Variants in CTTNBP2 observed in about 807,000 individuals in gnomAD.
The protein encoded by CTTNBP2 is cortactin binding protein 2.
Under a neutral mutation model 156.9 loss-of-function variants are expected in CTTNBP2, and 108 were observed. The observed-to-expected ratio is 0.69, with a 90% CI of 0.59 to 0.81. The LOEUF is 0.81. Among genes scored for constraint, CTTNBP2 ranks in the 30% least tolerant of loss-of-function variants. The pLI, the probability that CTTNBP2 is intolerant of heterozygous loss-of-function variation, is 0.00. For missense variants in CTTNBP2, 1,924 were observed against 2,035.4 expected, an observed-to-expected ratio of 0.95 and a Z score of 1.05; for synonymous variants, 767 against 751.8, an observed-to-expected ratio of 1.02 and a Z score of -0.33.
chr7:117,758,384 C>T (rs1321217942), intron 10 of CTTNBP2, among the ~76,000 whole-genome samples: 2 of 151,814 alleles, frequency 1.3e-5, no homozygotes, highest in Non-Finnish European at 2.9e-5. Context: ...GTCCCTGAGC[C>T]TCTTTCCAGC....
At chr7:117,861,580 T>C (rs1803757320) in intron 1 of CTTNBP2, among the ~76,000 whole-genome samples, 1 of 151,980 alleles carries the variant, frequency 6.6e-6, no homozygotes, top group South Asian at 2.1e-4. Context: ...CTCTCCAAAT[T>C]ACATAGCACA....
intron 2 of CTTNBP2, among the ~76,000 whole-genome samples, chr7:117,848,848 C>G (rs559157199): frequency 6.6e-6 from 1 of 152,324 alleles, no homozygotes; most frequent in East Asian, 1.9e-4. Context: ...CTGTAAACCA[C>G]TTCAATTCCT....
intron 21 of CTTNBP2, among the ~76,000 whole-genome samples, chr7:117,719,082 C>G (rs550094993): frequency 6.6e-6 from 1 of 152,158 alleles, no homozygotes; most frequent in Non-Finnish European, 1.5e-5. Context: ...CACCTGTAAT[C>G]CCAGCTACTT....
intron 2 of CTTNBP2, among the ~76,000 whole-genome samples, chr7:117,860,498 A>G (rs950831236): frequency 1.3e-5 from 2 of 151,952 alleles, no homozygotes; most frequent in Non-Finnish European, 2.9e-5. Context: ...GCCCGCCACC[A>G]TGCCCGGCTA....
intron 19 of CTTNBP2, among the ~76,000 whole-genome samples, chr7:117,724,104 A>G (rs1004544044): frequency 6.6e-6 from 1 of 152,144 alleles, no homozygotes; most frequent in Admixed American, 6.5e-5. Flanking sequence ...CGTCATACAT[A>G]AGAAAGAAAT....
rs183165960 is a variant in CTTNBP2, at chr7:117,820,329, C to A, written c.190-9340G>T. Among the ~76,000 whole-genome samples, 10 of 152,340 alleles carry A rather than the reference C, an allele frequency of 6.6e-5. No individual in the cohort carries two copies. In the South Asian group the frequency reaches 2.1e-3, roughly 32 times the overall value. On this transcript the variant is annotated intron_variant, in intron 2 of 22. Transcript: ENST00000160373. ...CAGATTAACCAACCCACTATTTCTG[C>A]CCTGGGCACTGAAATATTACCATTA...
chr7:117,728,064 A>G, intron 17 of CTTNBP2, 25 bp downstream of exon 17: 1 of 1,602,538 alleles, frequency 6.2e-7, no homozygotes, highest in Non-Finnish European at 8.5e-7. Flanking sequence ...TCATAAGCAG[A>G]AAGATAAGGA....
intron 2 of CTTNBP2, among the ~76,000 whole-genome samples, chr7:117,826,595 T>C (rs1801294846): frequency 6.6e-6 from 1 of 152,066 alleles, no homozygotes; most frequent in Non-Finnish European, 1.5e-5. Context: ...TTCTAAATCA[T>C]ATCCTTTGTT....
intron 19 of CTTNBP2, among the ~76,000 whole-genome samples, chr7:117,722,338 AT>A (rs1562951533): frequency 6.6e-6 from 1 of 151,630 alleles, no homozygotes; most frequent in African/African-American, 2.4e-5. Flanking sequence ...AAAATTTACC[AT>A]TATAAAAATA....
chr7:117,724,501 G>A (rs370230153), intron 19 of CTTNBP2, 46 bp downstream of exon 19: 30 of 1,509,234 alleles, frequency 2.0e-5, no homozygotes, highest in Admixed American at 1.7e-4. Flanking sequence ...ACTGGATCAC[G>A]TATGTCCACC....
intron 2 of CTTNBP2, among the ~76,000 whole-genome samples, chr7:117,831,800 G>T (rs1801627496): frequency 6.6e-6 from 1 of 151,916 alleles, no homozygotes; most frequent in African/African-American, 2.4e-5. Context: ...TCTTCTTCAT[G>T]CTAGAGATCA....
intron 3 of CTTNBP2, among the ~76,000 whole-genome samples, chr7:117,809,188 TAA>T (rs11299673): frequency 2.0e-3 from 299 of 150,356 alleles, no homozygotes; most frequent in Non-Finnish European, 2.6e-3. Flanking sequence ...TAAGTTGATT[TAA>T]AAAAAAAAAA....
intron 2 of CTTNBP2, among the ~76,000 whole-genome samples, chr7:117,846,707 CATAATT>C (rs1343312803): frequency 1.3e-5 from 2 of 152,144 alleles, no homozygotes; most frequent in African/African-American, 2.4e-5. Flanking sequence ...ACTCAACTCT[CATAATT>C]ATAATTACTA....
intron 4 of CTTNBP2, among the ~76,000 whole-genome samples, chr7:117,787,267 A>G (rs914108351): frequency 5.3e-5 from 8 of 152,250 alleles, no homozygotes; most frequent in African/African-American, 1.7e-4. Context: ...GCAAAAGGTC[A>G]ATCAGTTTTG....
intron 2 of CTTNBP2, among the ~76,000 whole-genome samples, chr7:117,859,889 G>A (rs1159135086): frequency 6.6e-6 from 1 of 152,026 alleles, no homozygotes; most frequent in Non-Finnish European, 1.5e-5. Context: ...GCCAACTTCT[G>A]GTTTATGAAA....
At chr7:117,757,768 G>A (rs1003473275) in intron 11 of CTTNBP2, 107 bp downstream of exon 11, 21 of 657,138 alleles carry the variant, frequency 3.2e-5, no homozygotes, top group Admixed American at 6.7e-5. Flanking sequence ...TCACATGTGC[G>A]TGGCTAGAAG....
In CTTNBP2 at chr7:117,791,630, A is replaced by G. The variant is rs1799018626; in HGVS notation, c.1566T>C (p.Pro522=). Residue 522 remains proline, a synonymous_variant, in exon 4 of 23, where the codon CCT becomes CCC. Transcript: ENST00000160373. ...TCTTTAAACTGGTCCGACCAACTGGAGGGTGGGTGCCAACATCCCCTGTTG... is the reference window on the plus strand; with the variant it reads ...TCTTTAAACTGGTCCGACCAACTGGGGGGTGGGTGCCAACATCCCCTGTTG... ...VPPTGDVGTH[P]PVGRTSLKTH... The G allele has an allele frequency of 6.2e-7, 1 of 1,613,938 alleles. No individual in the cohort carries two copies. The highest frequency in any genetic ancestry group is 1.7e-5 in the Admixed American group (1 of 59,998).
chr7:117,857,485 A>T (rs1803406054), intron 2 of CTTNBP2, among the ~76,000 whole-genome samples: 2 of 152,202 alleles, frequency 1.3e-5, no homozygotes, highest in African/African-American at 4.8e-5. Context: ...AATAACTTGA[A>T]ATCAAAGCTT....
At chr7:117,728,481 C>CA (rs1429090331) in intron 16 of CTTNBP2, among the ~76,000 whole-genome samples, 2 of 152,116 alleles carry the variant, frequency 1.3e-5, no homozygotes, top group East Asian at 3.8e-4. Flanking sequence ...TAATTCTCAC[C>CA]ATGAGCCTGA....
Sources: allele counts gnomAD v4.1 joint callset (sites outside exome capture counted in the v4.1 genomes callset), GRCh38; gene constraint gnomAD v4.1.1; transcripts MANE v1.5; gene names NCBI Gene and HGNC (gene_info 2026-07-23, HGNC 2026-07-21).